Variants in PCDH9 observed in about 807,000 individuals in gnomAD.
The protein encoded by PCDH9 is protocadherin 9.
In PCDH9, 24 loss-of-function variants were observed where a neutral mutation model predicts 70.6. The observed-to-expected ratio is 0.34, with a 90% confidence interval of 0.25 to 0.48. The LOEUF (loss-of-function observed/expected upper bound fraction) is 0.48. Among genes scored for constraint, PCDH9 ranks in the 20% least tolerant of loss-of-function variants. PCDH9 has a pLI of 0.99. For synonymous variants in PCDH9, 562 were observed against 558.5 expected (o/e 1.01, Z -0.09); for missense variants, 1,281 against 1,503.6 (o/e 0.85, Z 2.45).
chr13:66,336,880 T>G (rs972469859), intron 4 of PCDH9, among the ~76,000 whole-genome samples: 1 of 152,072 alleles, frequency 6.6e-6, no homozygotes, highest in Admixed American at 6.6e-5. Flanking sequence ...GCAGTTGGAT[T>G]AAATGCATTA....
chr13:66,920,221 A>G (rs890453871), intron 2 of PCDH9, among the ~76,000 whole-genome samples: 2 of 151,246 alleles, frequency 1.3e-5, no homozygotes, highest in African/African-American at 4.8e-5. Context: ...GATTAGACAG[A>G]TTTTTCCTAT....
chr13:66,512,235 CA>C (rs371278806), intron 4 of PCDH9, among the ~76,000 whole-genome samples: 4 of 148,710 alleles, frequency 2.7e-5, no homozygotes, highest in South Asian at 2.1e-4. Context: ...ACATATTATA[CA>C]AAAAAATTAA....
At chr13:66,427,820 C>T (rs1399050202) in intron 4 of PCDH9, among the ~76,000 whole-genome samples, 1 of 151,666 alleles carries the variant, frequency 6.6e-6, no homozygotes, top group East Asian at 1.9e-4. Flanking sequence ...GCTGTCATCA[C>T]AACTCACAGT....
intron 2 of PCDH9, among the ~76,000 whole-genome samples, chr13:66,913,260 G>C (rs1679767471): frequency 6.6e-6 from 1 of 151,888 alleles, no homozygotes; most frequent in African/African-American, 2.4e-5. Context: ...TGGGGTGGGG[G>C]AGAGAGAGAG....
At chr13:66,375,738 A>G (rs563383377) in intron 4 of PCDH9, among the ~76,000 whole-genome samples, 1 of 152,224 alleles carries the variant, frequency 6.6e-6, no homozygotes, top group Admixed American at 6.5e-5. Flanking sequence ...TATGACCTGA[A>G]TAAGTGTATT....
intron 3 of PCDH9, among the ~76,000 whole-genome samples, chr13:66,780,174 T>C (rs577735689): frequency 1.2e-3 from 184 of 152,192 alleles, no homozygotes; most frequent in Middle Eastern, 3.4e-3. Flanking sequence ...TAGTAACCTC[T>C]TTACTGTCTT....
At chr13:66,703,235 T>TA (rs5804290) in intron 3 of PCDH9, among the ~76,000 whole-genome samples, 148,762 of 152,314 alleles carry the variant, frequency 0.98, 72,753 homozygotes, top group East Asian at 1. Flanking sequence ...TATTTATCCA[T>TA]ATGCTAGTTA....
At chr13:67,144,323 A>G (rs2087469347) in intron 2 of PCDH9, among the ~76,000 whole-genome samples, 1 of 152,190 alleles carries the variant, frequency 6.6e-6, no homozygotes, top group Non-Finnish European at 1.5e-5. Flanking sequence ...TCCTAGGAAC[A>G]ATACTCTTCC....
chr13:66,304,483 A>T lies in PCDH9; in HGVS notation c.*172T>A. On this transcript the variant is annotated 3_prime_UTR_variant, in exon 5 of 5. Coordinates refer to ENST00000377865, the MANE Select transcript of PCDH9 (RefSeq NM_203487.3). ...TAAACAAAATTGCATGGCTAGAACTATCTTCTCTCATATGTTGCAAAAACA... is the reference window on the plus strand; with the variant it reads ...TAAACAAAATTGCATGGCTAGAACTTTCTTCTCTCATATGTTGCAAAAACA... The T allele has an allele frequency of 1.8e-6, 1 of 545,250 alleles. No homozygotes were observed. Among genetic ancestry groups the T allele is most frequent in the Non-Finnish European group, 3.3e-6 (1 of 305,546 alleles). The allele number at this position is 545,250 out of a possible 1,614,324, so 33.8% of individuals were successfully genotyped here. A position where few individuals can be genotyped will look rare whatever the true frequency, so the allele number is the denominator to read the frequency against.
chr13:67,193,332 A>AACAC (rs71110637), intron 2 of PCDH9, among the ~76,000 whole-genome samples: 1,704 of 142,044 alleles, frequency 0.012, 19 homozygotes, highest in African/African-American at 0.027. Flanking sequence ...TGGAGATTAA[A>AACAC]ACACACACAC....
rs543823574 is a variant in PCDH9 at position 66,734,108 on chromosome 13, T to C, written c.3139-102697A>G. Among the ~76,000 whole-genome samples the C allele has an allele frequency of 5.9e-5, 9 of 152,290 alleles. 2 individuals carry two copies. The highest frequency in any genetic ancestry group is 2.2e-4 in the African/African-American group (9 of 41,566). Reference sequence around the variant, plus strand: ...AGTTATACCAGAAAAATAAACCATATGATTTTAGGGTAGGGGCTTTGGGTC... The same window carrying C: ...AGTTATACCAGAAAAATAAACCATACGATTTTAGGGTAGGGGCTTTGGGTC... On this transcript the variant is annotated intron_variant, in intron 3 of 4. Coordinates refer to ENST00000377865, the MANE Select transcript of PCDH9 (RefSeq NM_203487.3).
intron 3 of PCDH9, among the ~76,000 whole-genome samples, chr13:66,682,163 A>G (rs1051275497): frequency 1.3e-5 from 2 of 151,596 alleles, no homozygotes; most frequent in African/African-American, 2.4e-5. Flanking sequence ...CTTTTTAGAG[A>G]TTGTTTTTCC....
intron 2 of PCDH9, among the ~76,000 whole-genome samples, chr13:67,058,903 A>G (rs2085475995): frequency 6.6e-6 from 1 of 152,158 alleles, no homozygotes; most frequent in Non-Finnish European, 1.5e-5. Flanking sequence ...TTTTTTAAAA[A>G]GAAAGGTCTT....
intron 3 of PCDH9, among the ~76,000 whole-genome samples, chr13:66,779,934 G>A (rs2079971017): frequency 7.1e-6 from 1 of 140,750 alleles, no homozygotes; most frequent in Non-Finnish European, 1.5e-5. Flanking sequence ...TAAAACAGTG[G>A]TTCCCAAGGG....
intron 2 of PCDH9, among the ~76,000 whole-genome samples, chr13:67,026,234 G>A (rs1246328845): frequency 6.6e-6 from 1 of 152,010 alleles, no homozygotes; most frequent in Non-Finnish European, 1.5e-5. Context: ...ATGTGCTGCT[G>A]GATTTGGTTC....
chr13:67,085,303 T>C (rs2086085027), intron 2 of PCDH9, among the ~76,000 whole-genome samples: 1 of 151,572 alleles, frequency 6.6e-6, no homozygotes, highest in Non-Finnish European at 1.5e-5. Context: ...CAGGAAGCAA[T>C]ATTATATGTC....
intron 2 of PCDH9, among the ~76,000 whole-genome samples, chr13:67,114,834 C>T (rs1353332351): frequency 6.6e-6 from 1 of 152,090 alleles, no homozygotes; most frequent in Non-Finnish European, 1.5e-5. Flanking sequence ...GAGAATATTG[C>T]CTGGATATTT....
chr13:66,876,365 A>G (rs972837523), intron 3 of PCDH9, among the ~76,000 whole-genome samples: 25 of 152,046 alleles, frequency 1.6e-4, no homozygotes, highest in African/African-American at 4.8e-4. Flanking sequence ...AGTATGGCAT[A>G]ACAAATAATC....
intron 4 of PCDH9, among the ~76,000 whole-genome samples, chr13:66,499,147 T>C (rs781018029): frequency 2.0e-4 from 31 of 152,044 alleles, no homozygotes; most frequent in Admixed American, 4.6e-4. Flanking sequence ...ACCCTATGTA[T>C]TTTCAGCTAG....
Sources: gnomAD v4.1 joint callset for allele counts (sites outside exome capture counted in the v4.1 genomes callset) on GRCh38, gnomAD v4.1.1 for gene constraint, MANE v1.5 for transcripts, NCBI Gene and HGNC (gene_info 2026-07-23, HGNC 2026-07-21) for gene names.